The following ARHGAP6 variants were observed in gnomAD, a reference collection of about 807,000 sequenced individuals.
ARHGAP6 encodes the protein Rho GTPase activating protein 6.
A neutral mutation model predicts 55.7 loss-of-function variants in ARHGAP6; 16 were observed. The ratio of observed to expected loss-of-function variants is 0.29; its 90% confidence interval spans 0.19 to 0.44. The LOEUF is 0.44. Among genes scored for constraint, ARHGAP6 ranks in the 20% least tolerant of loss-of-function variants. ARHGAP6 has a pLI of 1.00. For synonymous variants in ARHGAP6, 382 were observed against 360.9 expected (o/e 1.06, Z -0.66); for missense variants, 698 against 808.9 (o/e 0.86, Z 1.66).
At chrX:11,270,702 G>A (rs755755695) in intron 1 of ARHGAP6, among the ~76,000 whole-genome samples, 2 of 111,530 alleles carry the variant, frequency 1.8e-5, no homozygotes, top group East Asian at 2.8e-4. Flanking sequence ...CAATGTAACC[G>A]GTAAACGGAG....
At chrX:11,441,174 G>C (rs1246949536) in intron 1 of ARHGAP6, among the ~76,000 whole-genome samples, 1 of 111,774 alleles carries the variant, frequency 8.9e-6, no homozygotes, top group Non-Finnish European at 1.9e-5. Flanking sequence ...AATTCAGTAT[G>C]ACCAAGAGGT....
intron 9 of ARHGAP6, among the ~76,000 whole-genome samples, chrX:11,162,335 C>G (rs763106094): frequency 1.3e-5 from 1 of 79,777 alleles, no homozygotes; most frequent in Non-Finnish European, 2.4e-5. Flanking sequence ...GAAACTGTGC[C>G]CCCCCCCCCA....
At chrX:11,317,045 C>T (rs897143883) in intron 1 of ARHGAP6, among the ~76,000 whole-genome samples, 2 of 112,356 alleles carry the variant, frequency 1.8e-5, no homozygotes, top group African/African-American at 6.5e-5. Context: ...GTGAGCTGAT[C>T]TTGGTAATAC....
At chrX:11,619,810 G>A (rs1389960384) in intron 1 of ARHGAP6, among the ~76,000 whole-genome samples, 1 of 111,674 alleles carries the variant, frequency 9.0e-6, no homozygotes, top group Non-Finnish European at 1.9e-5. Flanking sequence ...ATAGGCACTG[G>A]AATTGATTTA....
intron 1 of ARHGAP6, among the ~76,000 whole-genome samples, chrX:11,614,566 C>G (rs1268162268): frequency 6.3e-5 from 7 of 111,835 alleles, no homozygotes; most frequent in Admixed American, 1.9e-4. Flanking sequence ...TCGCTTTCCA[C>G]CAGGCCCCTC....
intron 1 of ARHGAP6, among the ~76,000 whole-genome samples, chrX:11,631,614 G>A (rs769527549): frequency 1.8e-5 from 2 of 111,155 alleles, no homozygotes; most frequent in South Asian, 7.7e-4. Flanking sequence ...TATTTTAAGA[G>A]ATCACAAACT....
At chrX:11,343,279 G>A (rs1323569938) in intron 1 of ARHGAP6, among the ~76,000 whole-genome samples, 1 of 112,308 alleles carries the variant, frequency 8.9e-6, no homozygotes, top group Non-Finnish European at 1.9e-5. Flanking sequence ...CGATCAGGTA[G>A]AGAGCTGTGC....
At chrX:11,438,064 G>C (rs139511711) in intron 1 of ARHGAP6, among the ~76,000 whole-genome samples, 1 of 112,141 alleles carries the variant, frequency 8.9e-6, no homozygotes, top group African/African-American at 3.2e-5. Flanking sequence ...CGGTCTTTTC[G>C]TACTCCTCCT....
intron 1 of ARHGAP6, among the ~76,000 whole-genome samples, chrX:11,545,206 T>C (rs2051200277): frequency 8.9e-6 from 1 of 112,480 alleles, no homozygotes; most frequent in African/African-American, 3.2e-5. Flanking sequence ...TTCTATTATG[T>C]AATTCTCCAG....
intron 1 of ARHGAP6, among the ~76,000 whole-genome samples, chrX:11,489,601 T>TG (rs1180555751): frequency 1.8e-5 from 2 of 112,212 alleles, no homozygotes; most frequent in Non-Finnish European, 3.8e-5. Context: ...AACAGGCATG[T>TG]GGATCAAATT....
In ARHGAP6 at chrX:11,139,023, G is replaced by A. The variant is rs753073918; in HGVS notation, c.2765C>T (p.Thr922Met). Residue 922 changes from threonine to methionine, a missense_variant, in exon 13 of 13, where the codon ACG (threonine) becomes ATG (methionine). Physicochemically the swap from Thr to Met is moderately conservative, Grantham distance 81 (BLOSUM62 -1). Coordinates refer to ENST00000337414, the MANE Select transcript of ARHGAP6 (RefSeq NM_013427.3). ...GTTGGCGCTGCTCAGTTTTTTCTGC[G>A]TGACCTGCTGCTCTCGCTCGGCTGC... ...GQAAEREQQV[T>M]QKKLSSANSL... 3.3e-6 allele frequency: 4 copies of A among 1,208,187 alleles called. No individual in the cohort carries two copies. The highest frequency in any genetic ancestry group is 3.5e-5 in the South Asian group (2 of 56,412).
At chrX:11,642,576 C>A (rs1051058867) in intron 1 of ARHGAP6, among the ~76,000 whole-genome samples, 4 of 112,082 alleles carry the variant, frequency 3.6e-5, no homozygotes, top group Admixed American at 9.5e-5. Context: ...AAGATGTGGT[C>A]TATCCACACA....
At position 11,586,946 on chromosome X, in the gene ARHGAP6, A is replaced by G. The variant is rs780023493; in HGVS notation, c.588+77295T>C. Among the ~76,000 whole-genome samples the G allele has an allele frequency of 2.7e-5, 3 of 111,642 alleles. No homozygotes were observed. The South Asian group carries it at 1.1e-3, about 42-fold the overall frequency. ...TCTTTTTGTGGCAATTGTGAATGGG[A>G]GTTCGTTACTGATTTGGCTCTTGAC... On this transcript the variant is annotated intron_variant, in intron 1 of 12. Transcript: ENST00000337414.
At chrX:11,487,889 A>C (rs2147844699) in intron 1 of ARHGAP6, among the ~76,000 whole-genome samples, 1 of 112,492 alleles carries the variant, frequency 8.9e-6, no homozygotes, top group South Asian at 3.7e-4. Flanking sequence ...CTAACACAGT[A>C]ATAATTAATT....
chrX:11,343,627 A>T (rs1331498744), intron 1 of ARHGAP6, among the ~76,000 whole-genome samples: 1 of 111,477 alleles, frequency 9.0e-6, no homozygotes, highest in East Asian at 2.8e-4. Context: ...CTGGAAACTT[A>T]TTCAAAATGC....
intron 6 of ARHGAP6, among the ~76,000 whole-genome samples, chrX:11,180,134 C>G (rs894140853): frequency 9.0e-6 from 1 of 111,027 alleles, no homozygotes; most frequent in African/African-American, 3.3e-5. Context: ...GTCTTATTAA[C>G]AATTACCAGA....
chrX:11,619,897 C>G (rs2052208397), intron 1 of ARHGAP6, among the ~76,000 whole-genome samples: 1 of 111,946 alleles, frequency 8.9e-6, no homozygotes, highest in Non-Finnish European at 1.9e-5. Context: ...TGAGGATTTT[C>G]CAGCAAGGTC....
At chrX:11,380,760 C>A (rs780100636) in intron 1 of ARHGAP6, among the ~76,000 whole-genome samples, 5 of 112,055 alleles carry the variant, frequency 4.5e-5, no homozygotes, top group African/African-American at 6.5e-5. Context: ...CCAAGTAATT[C>A]TCTGTTGTGG....
At chrX:11,590,869 G>GAAAAGAAAAGAAGGAAAGAAA (rs2051813205) in intron 1 of ARHGAP6, among the ~76,000 whole-genome samples, 4 of 24,219 alleles carry the variant, frequency 1.7e-4, no homozygotes, top group Non-Finnish European at 2.7e-4. Flanking sequence ...AAGAAAAGAA[G>GAAAAGAAAAGAAGGAAAGAAA]GAAAGAAAGA....
Sources: allele counts gnomAD v4.1 joint callset (sites outside exome capture counted in the v4.1 genomes callset), GRCh38; gene constraint gnomAD v4.1.1; transcripts MANE v1.5; gene names NCBI Gene and HGNC (gene_info 2026-07-23, HGNC 2026-07-21).